Variants in CTNNA3 observed in about 807,000 individuals in gnomAD.
CTNNA3 encodes catenin alpha 3.
CTNNA3 carries 76 observed loss-of-function variants against 95.7 expected under a neutral mutation model. The ratio of observed to expected loss-of-function variants is 0.79; its 90% CI spans 0.66 to 0.96. CTNNA3 has a LOEUF of 0.96. CTNNA3 is among the 40% of genes least tolerant of loss of function. CTNNA3 has a pLI of 0.00. For missense variants in CTNNA3, 1,191 were observed against 1,089.8 expected, an observed-to-expected ratio of 1.09 and a Z score of -1.31; for synonymous variants, 431 against 374.4, an observed-to-expected ratio of 1.15 and a Z score of -1.74.
chr10:66,514,372 A>T (rs758395216), intron 11 of CTNNA3, among the ~76,000 whole-genome samples: 8 of 152,152 alleles, frequency 5.3e-5, no homozygotes, highest in African/African-American at 9.7e-5. Flanking sequence ...AGTAGCAGTG[A>T]ATATGGGGGA....
chr10:67,340,804 T>C (rs1166492296), intron 5 of CTNNA3, among the ~76,000 whole-genome samples: 15 of 152,236 alleles, frequency 9.9e-5, no homozygotes, highest in East Asian at 1.9e-4. Context: ...CTGATGAATA[T>C]AGTATTACAC....
chr10:66,678,453 C>T lies in CTNNA3; in HGVS notation c.1282-56669G>A, dbSNP rs146853394. 1.4e-4 allele frequency among the ~76,000 whole-genome samples: 21 copies of T among 152,214 alleles called. No individual in the cohort carries two copies. In the East Asian group the frequency reaches 2.5e-3, roughly 18 times the overall value. ...CCTGTCACATACACACACACATGCA[C>T]ACATGCATACACATATATACATATA... On this transcript the variant is annotated intron_variant, in intron 9 of 17. Coordinates refer to ENST00000433211, the MANE Select transcript of CTNNA3 (RefSeq NM_013266.4).
intron 9 of CTNNA3, among the ~76,000 whole-genome samples, chr10:66,733,764 A>C (rs1347506143): frequency 6.6e-6 from 1 of 151,674 alleles, no homozygotes; most frequent in East Asian, 1.9e-4. Flanking sequence ...ATTTGTGAAA[A>C]GCTTCTTTAC....
At chr10:66,346,366 C>T (rs1403636814) in intron 12 of CTNNA3, among the ~76,000 whole-genome samples, 1 of 150,884 alleles carries the variant, frequency 6.6e-6, no homozygotes, top group African/African-American at 2.4e-5. Context: ...GCAACCCACG[C>T]CTCCTGAGTT....
intron 7 of CTNNA3, among the ~76,000 whole-genome samples, chr10:67,022,935 C>T (rs528943363): frequency 2.9e-4 from 44 of 151,850 alleles, no homozygotes; most frequent in African/African-American, 1.1e-3. Context: ...AAGACTGTGT[C>T]TCAAAAAATA....
Position 65,915,651 on chromosome 10 carries a change from C to G in CTNNA3, c.*4679G>C, listed in dbSNP as rs2076997688. The G allele has an allele frequency of 6.6e-6, 1 of 152,148 alleles. No homozygotes were observed. The highest frequency in any genetic ancestry group is 6.6e-5 in the Admixed American group (1 of 15,260). The allele number at this position is 152,148 out of a possible 1,614,324, so 9.4% of individuals were successfully genotyped here. A position where few individuals can be genotyped will look rare whatever the true frequency, so the allele number is the denominator to read the frequency against. The stretch of plus-strand genomic sequence containing the variant: ...TAAAACTTATGGTCGGCCCCACAGC[C>G]CATCTCTTGCCTGCGGATGGGATTC... On this transcript the variant is annotated 3_prime_UTR_variant, in exon 18 of 18. Transcript: ENST00000433211.
At chr10:66,902,949 CA>C (rs1845818891) in intron 7 of CTNNA3, among the ~76,000 whole-genome samples, 1 of 152,130 alleles carries the variant, frequency 6.6e-6, no homozygotes, top group Admixed American at 6.5e-5. Context: ...ACCCGAAGTA[CA>C]AAGAGGAGCT....
rs72793465 is a variant in CTNNA3, at chr10:66,085,727, G to A, written c.1978-16238C>T. ...TCTGATTACAGTGCCTACAGCATTC[G>A]TAATTCTCCAAACAAAATCATGAGG... On this transcript the variant is annotated intron_variant, in intron 14 of 17. Coordinates refer to ENST00000433211, the MANE Select transcript of CTNNA3 (RefSeq NM_013266.4). Among the ~76,000 whole-genome samples, 1,374 of 152,124 alleles carry A rather than the reference G, an allele frequency of 9.0e-3. 9 individuals carry two copies. Among genetic ancestry groups the A allele is most frequent in the Middle Eastern group, 0.037 (11 of 294 alleles).
chr10:66,497,044 G>T (rs930257950), intron 11 of CTNNA3, among the ~76,000 whole-genome samples: 1 of 151,882 alleles, frequency 6.6e-6, no homozygotes, highest in Non-Finnish European at 1.5e-5. Flanking sequence ...CAGTTATATT[G>T]GATTGAGGCT....
At chr10:66,857,708 G>A (rs749632117) in intron 7 of CTNNA3, among the ~76,000 whole-genome samples, 2 of 151,820 alleles carry the variant, frequency 1.3e-5, no homozygotes, top group Non-Finnish European at 2.9e-5. Context: ...CTCTCAGCTT[G>A]GCTCTTGTTG....
intron 13 of CTNNA3, among the ~76,000 whole-genome samples, chr10:66,161,291 T>C (rs2084830320): frequency 1.3e-5 from 2 of 152,316 alleles, no homozygotes; most frequent in South Asian, 4.1e-4. Context: ...GTTTTATAGG[T>C]CCTGTGTGAT....
chr10:66,511,093 C>T (rs987352557), intron 11 of CTNNA3, among the ~76,000 whole-genome samples: 1 of 151,630 alleles, frequency 6.6e-6, no homozygotes, highest in African/African-American at 2.4e-5. Context: ...TGATTCTGTT[C>T]ATTTTTGGTT....
chr10:67,621,003 G>A (rs1354825453), intron 2 of CTNNA3, among the ~76,000 whole-genome samples: 1 of 149,976 alleles, frequency 6.7e-6, no homozygotes. Flanking sequence ...AGGTTAAAAA[G>A]GCATAGAAGG....
chr10:66,872,024 C>T (rs758486826), intron 7 of CTNNA3, among the ~76,000 whole-genome samples: 5 of 152,160 alleles, frequency 3.3e-5, no homozygotes, highest in Non-Finnish European at 7.4e-5. Context: ...GAAACACTAT[C>T]AGCCAAATTC....
intron 7 of CTNNA3, among the ~76,000 whole-genome samples, chr10:67,066,697 T>G (rs773709373): frequency 6.6e-6 from 1 of 152,194 alleles, no homozygotes; most frequent in Non-Finnish European, 1.5e-5. Context: ...ACAAATATTA[T>G]CCCTCTTCCT....
chr10:67,351,661 T>G (rs961458544), intron 5 of CTNNA3, among the ~76,000 whole-genome samples: 1 of 151,948 alleles, frequency 6.6e-6, no homozygotes, highest in South Asian at 2.1e-4. Context: ...CAGAGTAAAT[T>G]AATGCAAAGT....
intron 7 of CTNNA3, among the ~76,000 whole-genome samples, chr10:66,871,486 T>C (rs1467272226): frequency 1.4e-5 from 2 of 142,604 alleles, no homozygotes; most frequent in African/African-American, 2.7e-5. Flanking sequence ...CTCTTGCACC[T>C]GGGAGGCGGA....
chr10:67,574,141 T>A (rs1488157510), intron 3 of CTNNA3, among the ~76,000 whole-genome samples: 3 of 152,178 alleles, frequency 2.0e-5, no homozygotes, highest in Middle Eastern at 3.2e-3. Flanking sequence ...TGCTCCTTGC[T>A]ACTTTCAATC....
intron 11 of CTNNA3, among the ~76,000 whole-genome samples, chr10:66,458,244 T>G (rs1190281651): frequency 6.6e-6 from 1 of 152,102 alleles, no homozygotes. Context: ...ATGAACAAAT[T>G]TTGGTACATT....
Sources: allele counts gnomAD v4.1 joint callset (sites outside exome capture counted in the v4.1 genomes callset), GRCh38; gene constraint gnomAD v4.1.1; transcripts MANE v1.5; gene names NCBI Gene and HGNC (gene_info 2026-07-23, HGNC 2026-07-21).